The following PDE11A variants were observed in gnomAD, a reference collection of about 807,000 sequenced individuals.
The protein encoded by PDE11A is dual 3',5'-cyclic-AMP and -GMP phosphodiesterase 11A.
PDE11A carries 100 observed loss-of-function variants against 100.5 expected under a neutral mutation model. The observed-to-expected ratio is 1.00, with a 90% CI of 0.85 to 1.18. PDE11A has a LOEUF of 1.18. PDE11A is among the 50% of genes most tolerant of loss of function. The pLI is 0.00. For missense variants in PDE11A, 1,141 were observed against 1,152.6 expected (o/e 0.99, Z 0.15); for synonymous variants, 381 against 420.8 (o/e 0.91, Z 1.16).
intron 19 of PDE11A, among the ~76,000 whole-genome samples, chr2:177,645,386 G>A (rs1335942490): frequency 6.6e-6 from 1 of 152,010 alleles, no homozygotes; most frequent in South Asian, 2.1e-4. Flanking sequence ...TAGTAGAGAC[G>A]GGGTTTCACC....
At chr2:177,946,944 C>A (rs2105779732) in intron 2 of PDE11A, among the ~76,000 whole-genome samples, 2 of 103,632 alleles carry the variant, frequency 1.9e-5, no homozygotes, top group Admixed American at 8.1e-5. Context: ...CGGCCAGCCG[C>A]CCCGTCCGGG....
intron 5 of PDE11A, among the ~76,000 whole-genome samples, chr2:177,863,638 G>C (rs2083980490): frequency 6.6e-6 from 1 of 152,036 alleles, no homozygotes; most frequent in South Asian, 2.1e-4. Context: ...AATCCATTGT[G>C]AGATACACCT....
intron 19 of PDE11A, among the ~76,000 whole-genome samples, chr2:177,649,263 T>C (rs1409996846): frequency 6.6e-6 from 1 of 152,188 alleles, no homozygotes; most frequent in Non-Finnish European, 1.5e-5. Flanking sequence ...TTATCTTATT[T>C]CTTGGTATTT....
intron 10 of PDE11A, among the ~76,000 whole-genome samples, chr2:177,767,907 G>T (rs1207440578): frequency 6.6e-6 from 1 of 152,150 alleles, no homozygotes; most frequent in East Asian, 1.9e-4. Flanking sequence ...AAGCTGGTAT[G>T]CAGGATGTTT....
intron 4 of PDE11A, among the ~76,000 whole-genome samples, chr2:177,876,880 C>T (rs1282674389): frequency 4.1e-5 from 6 of 147,790 alleles, no homozygotes; most frequent in Admixed American, 6.7e-5. Flanking sequence ...AATAAACTGA[C>T]AATAGACAGA....
intron 6 of PDE11A, among the ~76,000 whole-genome samples, chr2:177,830,634 T>C (rs1436625758): frequency 6.8e-6 from 1 of 146,382 alleles, no homozygotes; most frequent in South Asian, 2.1e-4. Context: ...ATAATAATAA[T>C]AATAATAATA....
At chr2:177,686,164 C>T (rs2080945256) in intron 15 of PDE11A, among the ~76,000 whole-genome samples, 1 of 152,172 alleles carries the variant, frequency 6.6e-6, no homozygotes, top group Non-Finnish European at 1.5e-5. Context: ...GTGATAAGTT[C>T]TATTTACTCT....
intron 4 of PDE11A, among the ~76,000 whole-genome samples, chr2:177,885,501 A>T (rs960099177): frequency 8.4e-4 from 128 of 152,296 alleles, no homozygotes; most frequent in African/African-American, 2.8e-3. Context: ...TAGTTTGGGT[A>T]ATCATCAGAG....
In PDE11A at chr2:177,732,372, T is replaced by A. The variant is rs189177556; in HGVS notation, c.1789-4200A>T. Among the ~76,000 whole-genome samples, 194 of 152,312 alleles carry A rather than the reference T, an allele frequency of 1.3e-3. 1 individual carries two copies. The highest frequency in any genetic ancestry group is 4.4e-3 in the African/African-American group (181 of 41,572). On this transcript the variant is annotated intron_variant, in intron 10 of 19. Coordinates refer to ENST00000286063, the MANE Select transcript of PDE11A (RefSeq NM_016953.4). Reference sequence around the variant, plus strand: ...GTTCCAATTCAAAATCAAATGTTAGTGGGAAAAACACTTTTCAAGAGATAG... The same window carrying A: ...GTTCCAATTCAAAATCAAATGTTAGAGGGAAAAACACTTTTCAAGAGATAG...
chr2:177,890,984 T>G (rs2105718472), intron 4 of PDE11A, among the ~76,000 whole-genome samples: 1 of 152,330 alleles, frequency 6.6e-6, no homozygotes, highest in African/African-American at 2.4e-5. Flanking sequence ...TTTAAAACAC[T>G]ACATAGAATT....
chr2:177,781,544 C>A (rs116684522), intron 9 of PDE11A, among the ~76,000 whole-genome samples: 1,927 of 151,968 alleles, frequency 0.013, 8 homozygotes, highest in Non-Finnish European at 0.02. Context: ...ACTCTGTTCC[C>A]CAGGCTGGAG....
chr2:178,107,166 C>A (rs1256122358), intron 1 of PDE11A, among the ~76,000 whole-genome samples: 1 of 151,970 alleles, frequency 6.6e-6, no homozygotes, highest in Non-Finnish European at 1.5e-5. Flanking sequence ...AAAACGTTTA[C>A]TTCTGCCCTC....
At chr2:178,092,137 T>G (rs1266769644) in intron 2 of PDE11A, among the ~76,000 whole-genome samples, 1 of 152,190 alleles carries the variant, frequency 6.6e-6, no homozygotes, top group Non-Finnish European at 1.5e-5. Flanking sequence ...TTAATGAAAA[T>G]TAAAGCTAAT....
At chr2:177,812,103 A>G (rs1483045045) in intron 9 of PDE11A, among the ~76,000 whole-genome samples, 2 of 152,206 alleles carry the variant, frequency 1.3e-5, no homozygotes, top group Middle Eastern at 3.2e-3. Context: ...TTGTAACTAA[A>G]CACTCTTTCT....
At chr2:177,785,943 C>T (rs1480899743) in intron 9 of PDE11A, among the ~76,000 whole-genome samples, 1 of 152,220 alleles carries the variant, frequency 6.6e-6, no homozygotes, top group South Asian at 2.1e-4. Flanking sequence ...TCTGTAGGCT[C>T]CACTTCTGGG....
At chr2:178,098,669 G>A (rs931447874) in intron 2 of PDE11A, among the ~76,000 whole-genome samples, 3 of 151,864 alleles carry the variant, frequency 2.0e-5, no homozygotes, top group East Asian at 1.9e-4. Flanking sequence ...TAGAGGGACA[G>A]GAATAGGAGA....
chr2:178,079,674 C>G (rs2087258733), intron 2 of PDE11A, among the ~76,000 whole-genome samples: 1 of 152,102 alleles, frequency 6.6e-6, no homozygotes, highest in South Asian at 2.1e-4. Context: ...ATTACTGGGT[C>G]AAATGCTATT....
At chr2:177,845,881 G>A (rs549088614) in intron 5 of PDE11A, among the ~76,000 whole-genome samples, 45 of 151,820 alleles carry the variant, frequency 3.0e-4, no homozygotes, top group Non-Finnish European at 5.0e-4. Context: ...CCAGTCAGGC[G>A]TGGCGGCGCG....
At chr2:177,904,644 T>G (rs1212487829) in intron 3 of PDE11A, among the ~76,000 whole-genome samples, 1 of 148,392 alleles carries the variant, frequency 6.7e-6, no homozygotes, top group Non-Finnish European at 1.5e-5. Context: ...GACCTCCGCC[T>G]CCTGGGTTCA....
Sources: gnomAD v4.1 joint callset for allele counts (sites outside exome capture counted in the v4.1 genomes callset) on GRCh38, gnomAD v4.1.1 for gene constraint, MANE v1.5 for transcripts, NCBI Gene and HGNC (gene_info 2026-07-23, HGNC 2026-07-21) for gene names.